DCC: variants seen among roughly 807,000 people sequenced by gnomAD.
The protein encoded by DCC is DCC netrin 1 receptor, also known as netrin receptor DCC.
A neutral mutation model predicts 172.5 loss-of-function variants in DCC; 58 were observed. The ratio of observed to expected loss-of-function variants is 0.34; its 90% CI spans 0.27 to 0.42. DCC has a LOEUF of 0.42. DCC is among the 10% of genes least tolerant of loss of function. The pLI, the probability that DCC is intolerant of heterozygous loss-of-function variation, is 1.00. For missense variants in DCC, 1,740 were observed against 1,791.0 expected, an observed-to-expected ratio of 0.97 and a Z score of 0.51; for synonymous variants, 709 against 644.5, an observed-to-expected ratio of 1.10 and a Z score of -1.52.
At chr18:53,130,010 T>C (rs1206770441) in intron 7 of DCC, among the ~76,000 whole-genome samples, 1 of 152,154 alleles carries the variant, frequency 6.6e-6, no homozygotes, top group African/African-American at 2.4e-5. Flanking sequence ...CAATATTTAG[T>C]GTTGGATTTT....
At chr18:52,742,215 A>C (rs1361524055) in intron 1 of DCC, among the ~76,000 whole-genome samples, 1 of 152,208 alleles carries the variant, frequency 6.6e-6, no homozygotes, top group Non-Finnish European at 1.5e-5. Flanking sequence ...TTGTTATGGC[A>C]GCTGAAGCAG....
intron 1 of DCC, among the ~76,000 whole-genome samples, chr18:52,416,167 A>G (rs1218134323): frequency 6.6e-6 from 1 of 152,058 alleles, no homozygotes; most frequent in African/African-American, 2.4e-5. Context: ...TTCAGTTTCC[A>G]TGTAGTTGAG....
Position 53,410,485 on chromosome 18 carries a change from T to A in DCC, c.2969T>A (p.Ile990Asn). 1 of 1,610,078 alleles carries A rather than the reference T, an allele frequency of 6.2e-7. No homozygotes were observed. The highest frequency in any genetic ancestry group is 8.5e-7 in the Non-Finnish European group (1 of 1,176,398). The change falls in exon 20 of 29, where the codon ATC becomes AAC. Residue 990 changes from isoleucine (I) to asparagine (N), a missense_variant. By Grantham distance (149) the Ile-to-Asn change is moderately radical. Transcript: ENST00000442544. ...YILFYTLDKN[I>N]PIDDWIMETI... ...TTATTTTATACCTTGGACAAGAACA[T>A]CCCAATTGATGACTGGATTATGGAA...
At chr18:53,179,226 T>C in intron 9 of DCC, 110 bp downstream of exon 9, 1 of 1,087,626 alleles carries the variant, frequency 9.2e-7, no homozygotes, top group South Asian at 1.4e-5. Flanking sequence ...AAGAAGAGTT[T>C]TTTTTCTTCT....
chr18:52,786,606 A>T (rs921246832), intron 2 of DCC, among the ~76,000 whole-genome samples: 18 of 152,266 alleles, frequency 1.2e-4, no homozygotes, highest in African/African-American at 4.1e-4. Flanking sequence ...ACTCAGTTCC[A>T]CAAGGAATCT....
At chr18:52,918,456 C>A (rs1471390873) in intron 3 of DCC, among the ~76,000 whole-genome samples, 1 of 152,092 alleles carries the variant, frequency 6.6e-6, no homozygotes, top group Non-Finnish European at 1.5e-5. Context: ...TTTTCCTTTG[C>A]TCTTAAATAT....
At chr18:53,312,907 A>G (rs1460173818) in intron 13 of DCC, among the ~76,000 whole-genome samples, 1 of 63,212 alleles carries the variant, frequency 1.6e-5, no homozygotes, top group Non-Finnish European at 5.2e-5. Context: ...GAGAGGAGGG[A>G]AGGGAAAGGG....
chr18:53,316,869 A>G (rs1440739199), intron 13 of DCC, among the ~76,000 whole-genome samples: 3 of 152,210 alleles, frequency 2.0e-5, no homozygotes, highest in Non-Finnish European at 4.4e-5. Context: ...GGTTTTCTAA[A>G]TATACAATTA....
intron 1 of DCC, among the ~76,000 whole-genome samples, chr18:52,498,259 G>A (rs891124541): frequency 6.6e-6 from 1 of 152,084 alleles, no homozygotes; most frequent in Admixed American, 6.6e-5. Flanking sequence ...GACCTTTCTT[G>A]GGTTGCCCTT....
chr18:53,234,204 C>A lies in DCC; in HGVS notation c.1911+18607C>A, dbSNP rs187321631. Among the ~76,000 whole-genome samples, 5 of 151,644 alleles carry A rather than the reference C, an allele frequency of 3.3e-5. No homozygotes were observed. In the East Asian group the frequency reaches 9.7e-4, roughly 30 times the overall value. ...GGCGGAGGTTGCAGTGAACTGAAAT[C>A]GCACCATCGCACTCCAGCCTAGGCA... On this transcript the variant is annotated intron_variant, in intron 12 of 28. Transcript: ENST00000442544.
chr18:53,268,839 C>T (rs2056713446), intron 12 of DCC, among the ~76,000 whole-genome samples: 1 of 152,122 alleles, frequency 6.6e-6, no homozygotes, highest in Admixed American at 6.6e-5. Flanking sequence ...TGGGCTTGGC[C>T]TGCAGTGAGG....
At chr18:53,357,789 G>C (rs1473339906) in intron 15 of DCC, among the ~76,000 whole-genome samples, 1 of 152,134 alleles carries the variant, frequency 6.6e-6, no homozygotes, top group Non-Finnish European at 1.5e-5. Context: ...GTACAGTGCA[G>C]CAATAGTGAA....
chr18:52,739,920 T>C (rs1370272531), intron 1 of DCC, among the ~76,000 whole-genome samples: 3 of 152,172 alleles, frequency 2.0e-5, no homozygotes, highest in Non-Finnish European at 2.9e-5. Flanking sequence ...AAAAACCCTA[T>C]TGATGCTATC....
intron 7 of DCC, among the ~76,000 whole-genome samples, chr18:53,154,121 G>C (rs2144387472): frequency 6.6e-6 from 1 of 152,264 alleles, no homozygotes; most frequent in East Asian, 1.9e-4. Flanking sequence ...ACAAATGATG[G>C]AGAAGGAGTA....
chr18:53,520,225 G>A (rs777143049), intron 27 of DCC, among the ~76,000 whole-genome samples: 15 of 152,082 alleles, frequency 9.9e-5, no homozygotes, highest in African/African-American at 3.4e-4. Context: ...ATAGTCACCC[G>A]ACAGTAGCAG....
chr18:53,107,343 C>G (rs1252263735), intron 7 of DCC, among the ~76,000 whole-genome samples: 1 of 151,784 alleles, frequency 6.6e-6, no homozygotes, highest in African/African-American at 2.4e-5. Context: ...GTAGATCCTT[C>G]TATTACCCTT....
chr18:52,796,013 C>T (rs1426540285), intron 2 of DCC, among the ~76,000 whole-genome samples: 1 of 148,548 alleles, frequency 6.7e-6, no homozygotes, highest in African/African-American at 2.5e-5. Context: ...AATATATGAC[C>T]TTGTCTCTTC....
At chr18:53,161,487 C>T (rs1272967624) in intron 8 of DCC, among the ~76,000 whole-genome samples, 1 of 152,188 alleles carries the variant, frequency 6.6e-6, no homozygotes, top group Admixed American at 6.5e-5. Flanking sequence ...TCATTCACTT[C>T]TTGACTTTAT....
At chr18:52,869,775 G>C (rs2145379621) in intron 2 of DCC, among the ~76,000 whole-genome samples, 1 of 152,336 alleles carries the variant, frequency 6.6e-6, no homozygotes, top group African/African-American at 2.4e-5. Context: ...TGGCTGGGCT[G>C]TGACAGCCCG....
Sources: gnomAD v4.1 joint callset for allele counts (sites outside exome capture counted in the v4.1 genomes callset) on GRCh38, gnomAD v4.1.1 for gene constraint, MANE v1.5 for transcripts, NCBI Gene and HGNC (gene_info 2026-07-23, HGNC 2026-07-21) for gene names.